Variants in PAM observed in about 807,000 individuals in gnomAD.
PAM encodes peptidylglycine alpha-amidating monooxygenase.
In PAM, 72 loss-of-function variants were observed where a neutral mutation model predicts 122.1. That is an observed-to-expected ratio of 0.59 (90% CI 0.49 to 0.72). The LOEUF (loss-of-function observed/expected upper bound fraction) is 0.72, where lower values mean the gene tolerates loss of function less well. PAM is among the 30% of genes least tolerant of loss of function. PAM has a pLI of 0.00. For synonymous variants in PAM, 389 were observed against 404.4 expected (o/e 0.96, Z 0.46); for missense variants, 1,106 against 1,183.7 (o/e 0.93, Z 0.96).
intron 3 of PAM, among the ~76,000 whole-genome samples, chr5:102,897,957 C>T (rs1285213135): frequency 6.6e-6 from 1 of 151,462 alleles, no homozygotes; most frequent in Non-Finnish European, 1.5e-5. Context: ...CCATAGAAAC[C>T]ACTACATCTC....
intron 1 of PAM, among the ~76,000 whole-genome samples, chr5:102,760,539 C>T (rs773241814): frequency 9.9e-5 from 15 of 152,210 alleles, no homozygotes; most frequent in South Asian, 6.2e-4. Context: ...ATCCATTCCT[C>T]AGTTGCAGTA....
chr5:102,906,185 T>A (rs917893493), intron 4 of PAM, among the ~76,000 whole-genome samples: 1 of 151,700 alleles, frequency 6.6e-6, no homozygotes, highest in African/African-American at 2.4e-5. Flanking sequence ...TTCTAATGTC[T>A]TCAATTAGGT....
intron 1 of PAM, among the ~76,000 whole-genome samples, chr5:102,847,177 G>A (rs1370329982): frequency 1.3e-5 from 2 of 152,052 alleles, no homozygotes; most frequent in Non-Finnish European, 2.9e-5. Context: ...ATTTCAGGAC[G>A]CAGCATCTTG....
intron 1 of PAM, among the ~76,000 whole-genome samples, chr5:102,833,840 G>C (rs1186572973): frequency 6.6e-6 from 1 of 152,076 alleles, no homozygotes; most frequent in Non-Finnish European, 1.5e-5. Flanking sequence ...TTTCTGAGAA[G>C]AGATCCTACA....
At chr5:102,857,151 ATGAACAAACAAC>A (rs1269330406) in intron 1 of PAM, among the ~76,000 whole-genome samples, 1 of 152,214 alleles carries the variant, frequency 6.6e-6, no homozygotes, top group Non-Finnish European at 1.5e-5. Flanking sequence ...CAAAAAACAA[ATGAACAAACAAC>A]TGCACTTGAG....
chr5:102,814,570 C>CATATATTGATATATACAT (rs1257370786), intron 1 of PAM, among the ~76,000 whole-genome samples: 1 of 140,360 alleles, frequency 7.1e-6, no homozygotes, highest in Admixed American at 7.0e-5. Context: ...TAGATATATA[C>CATATATTGATATATACAT]ATATATTGAT....
intron 16 of PAM, among the ~76,000 whole-genome samples, chr5:103,001,420 A>G (rs1777337663): frequency 6.6e-6 from 1 of 152,098 alleles, no homozygotes; most frequent in Non-Finnish European, 1.5e-5. Context: ...TAAATATCTT[A>G]TGAAATCTGT....
At chr5:102,945,757 T>C (rs1047496062) in intron 7 of PAM, among the ~76,000 whole-genome samples, 1 of 150,990 alleles carries the variant, frequency 6.6e-6, no homozygotes, top group African/African-American at 2.4e-5. Flanking sequence ...TCATTTTCTG[T>C]ACAGTTCTTA....
At chr5:102,813,079 A>T (rs957906823) in intron 1 of PAM, among the ~76,000 whole-genome samples, 10 of 151,920 alleles carry the variant, frequency 6.6e-5, no homozygotes, top group Non-Finnish European at 1.5e-4. Flanking sequence ...TTATTTGAAA[A>T]AAAAAAACCT....
At chr5:103,023,687 G>A (rs1784243152) in intron 23 of PAM, among the ~76,000 whole-genome samples, 1 of 151,956 alleles carries the variant, frequency 6.6e-6, no homozygotes, top group African/African-American at 2.4e-5. Context: ...ACAAAGGATG[G>A]TCTCCCTTTA....
chr5:102,948,641 T>C (rs921928587), intron 9 of PAM, among the ~76,000 whole-genome samples, 196 bp downstream of exon 9: 2 of 152,164 alleles, frequency 1.3e-5, no homozygotes, highest in African/African-American at 4.8e-5. Context: ...ACTTTTCCAT[T>C]CTTTATTGAG....
At chr5:102,872,409 A>G (rs2151019947) in intron 3 of PAM, among the ~76,000 whole-genome samples, 1 of 152,358 alleles carries the variant, frequency 6.6e-6, no homozygotes, top group East Asian at 1.9e-4. Context: ...ATACTCCTAC[A>G]AAATGTTCTC....
At chr5:102,979,204 C>A (rs1368873198) in intron 15 of PAM, among the ~76,000 whole-genome samples, 1 of 151,996 alleles carries the variant, frequency 6.6e-6, no homozygotes, top group Non-Finnish European at 1.5e-5. Flanking sequence ...AGTATTCAGC[C>A]AGTTTGACCA....
intron 6 of PAM, among the ~76,000 whole-genome samples, chr5:102,925,422 C>T (rs936058362): frequency 1.3e-5 from 2 of 152,198 alleles, no homozygotes; most frequent in African/African-American, 4.8e-5. Flanking sequence ...ACCTAGGTAT[C>T]TAATGTGATG....
intron 3 of PAM, chr5:102,873,841 C>A (rs1172837483): frequency 1.3e-5 from 2 of 152,084 alleles, no homozygotes; most frequent in Non-Finnish European, 2.9e-5. Context: ...TGAGTCGTGG[C>A]TTTTAGTGTT....
chr5:102,936,581 A>T (rs1342661939), intron 7 of PAM, among the ~76,000 whole-genome samples: 3 of 152,196 alleles, frequency 2.0e-5, no homozygotes, highest in Admixed American at 6.6e-5. Flanking sequence ...TACAACCATC[A>T]GTGGGCTATA....
At chr5:102,806,598 C>T (rs1179432339) in intron 1 of PAM, among the ~76,000 whole-genome samples, 1 of 152,052 alleles carries the variant, frequency 6.6e-6, no homozygotes, top group Non-Finnish European at 1.5e-5. Context: ...TACACACATA[C>T]ACACACACAG....
chr5:102,850,131 A>G (rs1781005079), intron 1 of PAM, among the ~76,000 whole-genome samples: 1 of 152,156 alleles, frequency 6.6e-6, no homozygotes, highest in Non-Finnish European at 1.5e-5. Context: ...CTTAACATTT[A>G]CTAAGTATGT....
chr5:102,838,405 A>G (rs374835512), intron 1 of PAM: 3 of 152,160 alleles, frequency 2.0e-5, no homozygotes, highest in East Asian at 3.8e-4. Flanking sequence ...CTTGTAAAAC[A>G]TCAATTATTA....
Sources: allele counts gnomAD v4.1 joint callset (sites outside exome capture counted in the v4.1 genomes callset), GRCh38; gene constraint gnomAD v4.1.1; transcripts MANE v1.5; gene names NCBI Gene and HGNC (gene_info 2026-07-23, HGNC 2026-07-21).